The following RBFOX1 variants were observed in gnomAD, a reference collection of about 807,000 sequenced individuals.
RBFOX1 encodes the protein RNA binding protein fox-1 homolog 1.
A neutral mutation model predicts 57.7 loss-of-function variants in RBFOX1; 8 were observed. The ratio of observed to expected loss-of-function variants is 0.14; its 90% CI spans 0.08 to 0.25. The LOEUF is 0.25. RBFOX1 is among the 10% of genes least tolerant of loss of function. The pLI is 1.00. For missense variants in RBFOX1, 611 were observed against 548.5 expected, an observed-to-expected ratio of 1.11 and a Z score of -1.14; for synonymous variants, 326 against 222.4, an observed-to-expected ratio of 1.47 and a Z score of -4.15.
At chr16:6,922,162 G>A (rs1296637829) in intron 3 of RBFOX1, among the ~76,000 whole-genome samples, 1 of 152,178 alleles carries the variant, frequency 6.6e-6, no homozygotes, top group East Asian at 1.9e-4. Context: ...AGGGGAGGAT[G>A]TGAAATGGAT....
At chr16:6,787,459 A>G (rs2082157939) in intron 3 of RBFOX1, among the ~76,000 whole-genome samples, 1 of 152,208 alleles carries the variant, frequency 6.6e-6, no homozygotes, top group Admixed American at 6.5e-5. Flanking sequence ...TTATACAGTT[A>G]GAGTGTGAAT....
chr16:6,978,905 A>T (rs997653656), intron 3 of RBFOX1, among the ~76,000 whole-genome samples: 1 of 152,062 alleles, frequency 6.6e-6, no homozygotes, highest in African/African-American at 2.4e-5. Flanking sequence ...TGCAGAGTGC[A>T]TTGGAAGGGC....
chr16:5,552,077 G>A (rs116953581), intron 2 of RBFOX1, among the ~76,000 whole-genome samples: 1,914 of 152,280 alleles, frequency 0.013, 21 homozygotes, highest in Non-Finnish European at 0.018. Flanking sequence ...TAATGAAACA[G>A]ACTGTGTCGT....
chr16:6,559,704 C>T (rs527977078), intron 2 of RBFOX1, among the ~76,000 whole-genome samples: 18 of 151,998 alleles, frequency 1.2e-4, no homozygotes, highest in African/African-American at 3.1e-4. Flanking sequence ...GTATATATAT[C>T]CCTCTATAAT....
chr16:7,164,619 A>AT (rs530078768), intron 4 of RBFOX1, among the ~76,000 whole-genome samples: 8 of 152,196 alleles, frequency 5.3e-5, no homozygotes, highest in Non-Finnish European at 1.0e-4. Flanking sequence ...ATAACGTGTA[A>AT]TTTCTTTTCT....
intron 4 of RBFOX1, among the ~76,000 whole-genome samples, chr16:7,474,641 C>T (rs541529783): frequency 3.9e-5 from 6 of 152,282 alleles, no homozygotes; most frequent in East Asian, 1.9e-4. Flanking sequence ...GCTCTAAAGT[C>T]GGACTGGCTT....
At chr16:6,055,393 G>C (rs1362180013) in intron 1 of RBFOX1, among the ~76,000 whole-genome samples, 1 of 151,794 alleles carries the variant, frequency 6.6e-6, no homozygotes, top group Non-Finnish European at 1.5e-5. Flanking sequence ...AGGAGTTCTA[G>C]ACCCGCCTGG....
intron 2 of RBFOX1, among the ~76,000 whole-genome samples, chr16:5,560,645 G>T (rs927852548): frequency 1.3e-5 from 2 of 152,098 alleles, no homozygotes; most frequent in African/African-American, 4.8e-5. Context: ...TTCACCTTAT[G>T]CTTTTATTCC....
chr16:6,823,024 T>G (rs2091567704), intron 3 of RBFOX1, among the ~76,000 whole-genome samples: 1 of 152,042 alleles, frequency 6.6e-6, no homozygotes, highest in Admixed American at 6.6e-5. Flanking sequence ...GTATGTGCAT[T>G]ATTCTGATGT....
intron 3 of RBFOX1, among the ~76,000 whole-genome samples, chr16:5,859,165 A>G (rs897863458): frequency 2.6e-5 from 4 of 152,200 alleles, no homozygotes; most frequent in Admixed American, 6.5e-5. Context: ...AGATCACGCC[A>G]CGGCACTCCA....
At chr16:7,680,486 C>T (rs540097763) in intron 14 of RBFOX1, among the ~76,000 whole-genome samples, 2 of 152,122 alleles carry the variant, frequency 1.3e-5, no homozygotes, top group East Asian at 3.9e-4. Flanking sequence ...TAGATGCAGA[C>T]CGCCTAGAGA....
At chr16:7,275,781 G>A (rs181178276) in intron 4 of RBFOX1, among the ~76,000 whole-genome samples, 10 of 152,280 alleles carry the variant, frequency 6.6e-5, no homozygotes, top group Admixed American at 6.5e-4. Flanking sequence ...AGGCTTAAAG[G>A]GATCATCTTG....
rs541789513 is a variant in RBFOX1, at chr16:6,857,424, C to T, written c.-15-194633C>T. Among the ~76,000 whole-genome samples the T allele has an allele frequency of 5.3e-5, 8 of 152,190 alleles. No homozygotes were observed. The South Asian group carries it at 1.7e-3, about 32-fold the overall frequency. ...CATGGGAGAGGTCAAATCCCATGTA[C>T]GCCAGCTGAAAGAGTTAAGCCATTT... On this transcript the variant is annotated intron_variant, in intron 3 of 15. Coordinates refer to ENST00000550418, the MANE Select transcript of RBFOX1 (RefSeq NM_018723.4).
chr16:6,207,636 C>G (rs1233263783), intron 1 of RBFOX1, among the ~76,000 whole-genome samples: 10 of 152,210 alleles, frequency 6.6e-5, no homozygotes, highest in African/African-American at 2.4e-4. Flanking sequence ...AATAATAATG[C>G]CCTTCCCATT....
intron 4 of RBFOX1, among the ~76,000 whole-genome samples, chr16:5,904,605 C>T (rs569814960): frequency 2.6e-5 from 4 of 152,090 alleles, no homozygotes; most frequent in African/African-American, 9.6e-5. Flanking sequence ...AATGTTCCCC[C>T]TTGAAAAGAC....
At chr16:6,182,709 A>G (rs1259080827) in intron 1 of RBFOX1, among the ~76,000 whole-genome samples, 1 of 152,142 alleles carries the variant, frequency 6.6e-6, no homozygotes, top group Non-Finnish European at 1.5e-5. Context: ...GCATATTCTG[A>G]CCACCTGTGG....
In RBFOX1 at chr16:6,227,118, T is replaced by C. The variant is rs143902164; in HGVS notation, c.-126-89877T>C. On this transcript the variant is annotated intron_variant, in intron 1 of 15. Transcript: ENST00000550418. ...CAGCGTAGGTGACAGGGCGAGACTCTGTCTCAAGAAAAAAAAAAGTAATAT... is the reference window on the plus strand; with the variant it reads ...CAGCGTAGGTGACAGGGCGAGACTCCGTCTCAAGAAAAAAAAAAGTAATAT... Among the ~76,000 whole-genome samples the C allele has an allele frequency of 2.6e-3, 402 of 151,904 alleles. 2 individuals carry two copies. The highest frequency in any genetic ancestry group is 9.3e-3 in the African/African-American group (387 of 41,446).
intron 7 of RBFOX1, among the ~76,000 whole-genome samples, chr16:7,590,918 G>A (rs112303860): frequency 6.7e-6 from 1 of 150,062 alleles, no homozygotes; most frequent in East Asian, 2.0e-4. Context: ...GTAGATATCA[G>A]TAAGTATTTG....
chr16:5,802,414 A>T (rs2055087937), intron 3 of RBFOX1, among the ~76,000 whole-genome samples: 1 of 152,088 alleles, frequency 6.6e-6, no homozygotes, highest in Non-Finnish European at 1.5e-5. Context: ...CAAGGGTGGG[A>T]TAGCTGCTGA....
Sources: allele counts gnomAD v4.1 joint callset (sites outside exome capture counted in the v4.1 genomes callset), GRCh38; gene constraint gnomAD v4.1.1; transcripts MANE v1.5; gene names NCBI Gene and HGNC (gene_info 2026-07-23, HGNC 2026-07-21).